Variants in CDH13 observed in about 807,000 individuals in gnomAD.
The protein encoded by CDH13 is cadherin-13.
A neutral mutation model predicts 63.8 loss-of-function variants in CDH13; 24 were observed. The ratio of observed to expected loss-of-function variants is 0.38; its 90% CI spans 0.27 to 0.53. The LOEUF (loss-of-function observed/expected upper bound fraction) is 0.53, where lower values mean the gene tolerates loss of function less well. CDH13 is among the 20% of genes least tolerant of loss of function. The probability of loss-of-function intolerance (pLI) is 0.85; values close to 1 mark genes in which losing one functional copy is unlikely to be tolerated. For synonymous variants in CDH13, 503 were observed against 355.3 expected, an observed-to-expected ratio of 1.42 and a Z score of -4.67; for missense variants, 1,049 against 903.1, an observed-to-expected ratio of 1.16 and a Z score of -2.07.
At chr16:83,030,613 A>T (rs1452086878) in intron 2 of CDH13, among the ~76,000 whole-genome samples, 1 of 137,914 alleles carries the variant, frequency 7.3e-6, no homozygotes. Context: ...ACTGCACTCC[A>T]GTCTGGATGA....
At chr16:83,682,550 G>A (rs1490266291) in intron 10 of CDH13, among the ~76,000 whole-genome samples, 1 of 152,158 alleles carries the variant, frequency 6.6e-6, no homozygotes, top group African/African-American at 2.4e-5. Flanking sequence ...CTCACTGACT[G>A]TGCGCATCCT....
chr16:83,744,160 A>T (rs1249228152), intron 10 of CDH13, among the ~76,000 whole-genome samples: 3 of 152,142 alleles, frequency 2.0e-5, no homozygotes, highest in Non-Finnish European at 4.4e-5. Flanking sequence ...CTATTGACCA[A>T]CTTTTACCTA....
rs1555513891 is a variant in CDH13 at position 83,216,427 on chromosome 16, T to TAA, written c.484-917_484-916insAA. Among the ~76,000 whole-genome samples the TAA allele has an allele frequency of 3.5e-3, 156 of 45,070 alleles. 27 individuals carry two copies. The South Asian group carries it at 0.036, about 10-fold the overall frequency. 29.6% of individuals were successfully genotyped at this position (45,070 alleles called of 152,430 possible). ...ATATATATATATATATATATATATA[T>TAA]ATATATATATATATATACACAACCC... On this transcript the variant is annotated intron_variant, in intron 4 of 13. Coordinates refer to ENST00000567109, the MANE Select transcript of CDH13 (RefSeq NM_001257.5).
chr16:83,096,725 G>A (rs1218390186), intron 3 of CDH13, among the ~76,000 whole-genome samples: 1 of 152,176 alleles, frequency 6.6e-6, no homozygotes, highest in East Asian at 1.9e-4. Flanking sequence ...GGTAGCCCAT[G>A]TAACAATACT....
intron 5 of CDH13, among the ~76,000 whole-genome samples, chr16:83,286,092 C>G (rs2089305770): frequency 6.6e-6 from 1 of 152,132 alleles, no homozygotes; most frequent in South Asian, 2.1e-4. Flanking sequence ...CCTTGTCTGG[C>G]AAGTCTGAGC....
chr16:82,889,100 G>T (rs2151218277), intron 2 of CDH13, among the ~76,000 whole-genome samples: 2 of 152,278 alleles, frequency 1.3e-5, no homozygotes, highest in South Asian at 4.2e-4. Flanking sequence ...TCTTCAAGTG[G>T]TTATTCCCCT....
chr16:83,152,013 A>C (rs1339195465), intron 4 of CDH13, among the ~76,000 whole-genome samples: 1 of 152,094 alleles, frequency 6.6e-6, no homozygotes, highest in Non-Finnish European at 1.5e-5. Context: ...AGACAAACAA[A>C]AAAAAAAAGA....
At chr16:83,368,078 T>C (rs1426896179) in intron 6 of CDH13, among the ~76,000 whole-genome samples, 1 of 152,244 alleles carries the variant, frequency 6.6e-6, no homozygotes, top group Non-Finnish European at 1.5e-5. Context: ...GGATTATTCA[T>C]TGTTATTATA....
At chr16:83,545,010 A>G (rs574546826) in intron 7 of CDH13, among the ~76,000 whole-genome samples, 1 of 152,344 alleles carries the variant, frequency 6.6e-6, no homozygotes, top group East Asian at 1.9e-4. Flanking sequence ...TAACTAGAAG[A>G]TTCCATTCAC....
intron 8 of CDH13, among the ~76,000 whole-genome samples, chr16:83,620,823 A>G (rs1909744402): frequency 6.6e-6 from 1 of 152,160 alleles, no homozygotes; most frequent in Admixed American, 6.5e-5. Flanking sequence ...CTCTCCTTCA[A>G]GTTGCAAGTG....
chr16:83,073,610 G>A (rs1191296307), intron 3 of CDH13, among the ~76,000 whole-genome samples: 1 of 151,932 alleles, frequency 6.6e-6, no homozygotes, highest in Non-Finnish European at 1.5e-5. Flanking sequence ...ATCCCCTATT[G>A]CAGATTTTAT....
intron 6 of CDH13, among the ~76,000 whole-genome samples, chr16:83,389,431 G>T (rs116765366): frequency 1.3e-5 from 2 of 152,056 alleles, no homozygotes; most frequent in Admixed American, 1.3e-4. Flanking sequence ...ATTTGACCCC[G>T]AATTCCAATT....
intron 1 of CDH13, among the ~76,000 whole-genome samples, chr16:82,831,475 G>A (rs2038537737): frequency 6.6e-6 from 1 of 152,020 alleles, no homozygotes; most frequent in South Asian, 2.1e-4. Flanking sequence ...CAGTTTGCTT[G>A]GAAGACCAAA....
At chr16:82,852,411 T>C (rs1055270570) in intron 1 of CDH13, among the ~76,000 whole-genome samples, 3 of 152,210 alleles carry the variant, frequency 2.0e-5, no homozygotes, top group Non-Finnish European at 4.4e-5. Context: ...GGGCTCTTTC[T>C]ATTGGATGAC....
intron 6 of CDH13, among the ~76,000 whole-genome samples, chr16:83,413,991 C>T (rs2092164543): frequency 6.6e-6 from 1 of 151,536 alleles, no homozygotes; most frequent in African/African-American, 2.4e-5. Flanking sequence ...GAGACTCCAT[C>T]TCAAAAAAAA....
chr16:83,403,131 T>C (rs1463050648), intron 6 of CDH13, among the ~76,000 whole-genome samples: 1 of 152,118 alleles, frequency 6.6e-6, no homozygotes, highest in Non-Finnish European at 1.5e-5. Flanking sequence ...CCCATTTTGT[T>C]ATAATGAAAT....
At chr16:83,429,383 C>G (rs1393328393) in intron 6 of CDH13, among the ~76,000 whole-genome samples, 1 of 152,168 alleles carries the variant, frequency 6.6e-6, no homozygotes, top group African/African-American at 2.4e-5. Flanking sequence ...GATGACCCAT[C>G]TTTAAGGAAA....
intron 6 of CDH13, among the ~76,000 whole-genome samples, chr16:83,450,144 C>G (rs1477355100): frequency 1.3e-5 from 2 of 152,166 alleles, no homozygotes; most frequent in African/African-American, 4.8e-5. Flanking sequence ...GTGATTGATT[C>G]TTTGCCAGAC....
intron 2 of CDH13, among the ~76,000 whole-genome samples, chr16:83,000,245 T>A (rs1385711648): frequency 8.1e-6 from 1 of 123,908 alleles, no homozygotes; most frequent in Non-Finnish European, 1.7e-5. Flanking sequence ...TTTTTTTTTT[T>A]TTTTTTTTTT....
Sources: gnomAD v4.1 joint callset for allele counts (sites outside exome capture counted in the v4.1 genomes callset) on GRCh38, gnomAD v4.1.1 for gene constraint, MANE v1.5 for transcripts, NCBI Gene and HGNC (gene_info 2026-07-23, HGNC 2026-07-21) for gene names.